Variants in WDR59 observed in about 807,000 individuals in gnomAD.
The protein encoded by WDR59 is GATOR2 complex protein WDR59.
Under a neutral mutation model 131.2 loss-of-function variants are expected in WDR59, and 100 were observed. The observed-to-expected ratio is 0.76, with a 90% CI of 0.65 to 0.90. The LOEUF (loss-of-function observed/expected upper bound fraction) is 0.90, where lower values mean the gene tolerates loss of function less well. Ranked by LOEUF, WDR59 falls within the 40% of genes least tolerant of loss-of-function variation. The pLI is 0.00. For synonymous variants in WDR59, 601 were observed against 466.2 expected, an observed-to-expected ratio of 1.29 and a Z score of -3.72; for missense variants, 1,203 against 1,262.2, an observed-to-expected ratio of 0.95 and a Z score of 0.71.
intron 25 of WDR59, among the ~76,000 whole-genome samples, chr16:74,880,476 A>G (rs1964427167): frequency 6.6e-6 from 1 of 152,258 alleles, no homozygotes; most frequent in Non-Finnish European, 1.5e-5. Flanking sequence ...TAATTAAAAA[A>G]ATAAGTTAGG....
chr16:74,960,225 G>T (rs2033497137), intron 2 of WDR59, among the ~76,000 whole-genome samples: 1 of 152,014 alleles, frequency 6.6e-6, no homozygotes, highest in South Asian at 2.1e-4. Context: ...CAGTTACTTG[G>T]GAGGCTGAGG....
chr16:74,951,564 G>A (rs1001758182), intron 3 of WDR59, 21 bp from the exon 4 acceptor site: 9 of 1,567,840 alleles, frequency 5.7e-6, no homozygotes, highest in Admixed American at 1.9e-5. Flanking sequence ...AGGAAAGAAG[G>A]CCACAGGCAA....
At chr16:74,884,292 G>C (rs1040304661) in intron 25 of WDR59, among the ~76,000 whole-genome samples, 8 of 152,146 alleles carry the variant, frequency 5.3e-5, no homozygotes, top group African/African-American at 1.9e-4. Context: ...ACAACCCAAA[G>C]CACACTGCTT....
intron 18 of WDR59, among the ~76,000 whole-genome samples, chr16:74,897,354 A>G (rs1410569955): frequency 1.3e-5 from 2 of 152,256 alleles, no homozygotes; most frequent in East Asian, 3.8e-4. Context: ...ACATTCAGAC[A>G]GAAGAAAACT....
At chr16:74,901,321 C>T (rs1965539592) in intron 18 of WDR59, among the ~76,000 whole-genome samples, 1 of 152,062 alleles carries the variant, frequency 6.6e-6, no homozygotes, top group African/African-American at 2.4e-5. Flanking sequence ...AAGGCAGTTA[C>T]ATTCCATTCT....
intron 18 of WDR59, among the ~76,000 whole-genome samples, chr16:74,900,512 T>TTAAA (rs1965502895): frequency 6.6e-6 from 1 of 152,232 alleles, no homozygotes; most frequent in East Asian, 1.9e-4. Context: ...GCAACAATGT[T>TTAAA]TAAATGTATG....
Position 74,985,000 on chromosome 16 carries a change from G to A in WDR59, c.18C>T (p.Ser6=). 2 of 1,590,210 alleles carry A rather than the reference G, an allele frequency of 1.3e-6. No individual in the cohort carries two copies. The highest frequency in any genetic ancestry group is 2.3e-5 in the East Asian group (1 of 43,802). ...GGAACTCTACAACCACGTTTTCGCTGCTCCATCGCGCCGCCATCTCCCCCG... is the reference window on the plus strand; with the variant it reads ...GGAACTCTACAACCACGTTTTCGCTACTCCATCGCGCCGCCATCTCCCCCG... The part of the protein sequence containing the change: MAARW[S]SENVVVEFRD... The change falls in exon 1 of 26, where the codon AGC becomes AGT. Residue 6 remains serine, a synonymous_variant. Transcript: ENST00000262144.
At chr16:74,929,568 T>A (rs1469752144) in intron 8 of WDR59, among the ~76,000 whole-genome samples, 1 of 152,172 alleles carries the variant, frequency 6.6e-6, no homozygotes, top group Non-Finnish European at 1.5e-5. Context: ...GGAATTCTCA[T>A]ACACTGTTGG....
chr16:74,955,795 A>G (rs1427846518), intron 3 of WDR59, among the ~76,000 whole-genome samples: 1 of 152,148 alleles, frequency 6.6e-6, no homozygotes. Flanking sequence ...TGCCAGCCCA[A>G]TGCAAAAAGA....
chr16:74,937,969 C>T (rs188111811), intron 8 of WDR59, among the ~76,000 whole-genome samples, 181 bp downstream of exon 8: 14 of 152,246 alleles, frequency 9.2e-5, no homozygotes, highest in African/African-American at 3.1e-4. Context: ...TGCTGGGTCT[C>T]GCTCTGTCGC....
chr16:74,949,453 G>A (rs2032862128), intron 5 of WDR59, among the ~76,000 whole-genome samples: 2 of 150,522 alleles, frequency 1.3e-5, no homozygotes, highest in Admixed American at 6.7e-5. Flanking sequence ...AAGGAGGGAG[G>A]GAAGGAGAGA....
chr16:74,927,344 T>G (rs965215947), intron 8 of WDR59, among the ~76,000 whole-genome samples: 1 of 151,896 alleles, frequency 6.6e-6, no homozygotes. Flanking sequence ...ATCCCAGCAC[T>G]TGGGAAGCTG....
At chr16:74,919,204 C>A (rs900090658) in intron 10 of WDR59, among the ~76,000 whole-genome samples, 1 of 152,216 alleles carries the variant, frequency 6.6e-6, no homozygotes, top group Non-Finnish European at 1.5e-5. Context: ...CCTCTCCCAA[C>A]TGGCTGATTC....
rs1362089551 is a variant in WDR59 at position 74,872,420 on chromosome 16, C to T, written c.*1789G>A. On this transcript the variant is annotated 3_prime_UTR_variant, in exon 26 of 26. Coordinates refer to ENST00000262144, the MANE Select transcript of WDR59 (RefSeq NM_030581.4). ...GAAAATCATTCTGAAATTAGCCAGG[C>T]ATGGTGGTGCACACCTGTAGTCCCA... is the stretch of plus-strand genomic sequence containing the variant. 2 of 152,100 alleles carry T rather than the reference C, an allele frequency of 1.3e-5. No homozygotes were observed. Among genetic ancestry groups the T allele is most frequent in the East Asian group, 1.9e-4 (1 of 5,166 alleles). 9.4% of individuals were successfully genotyped at this position (152,100 alleles called of 1,614,324 possible). A position where few individuals can be genotyped will look rare whatever the true frequency, so the allele number is the denominator to read the frequency against.
chr16:74,981,631 TATATATATATATA>T lies in WDR59; in HGVS notation c.54+3320_54+3332del, dbSNP rs1567450551. 2.9e-3 allele frequency among the ~76,000 whole-genome samples: 17 copies of T among 5,798 alleles called. 1 individual carries two copies. The highest frequency in any genetic ancestry group is 8.7e-3 in the African/African-American group (17 of 1,946). The allele number at this position is 5,798 out of a possible 152,430, so 3.8% of individuals were successfully genotyped here. A position where few individuals can be genotyped will look rare whatever the true frequency, so the allele number is the denominator to read the frequency against. On this transcript the variant is annotated intron_variant, in intron 1 of 25. Coordinates refer to ENST00000262144, the MANE Select transcript of WDR59 (RefSeq NM_030581.4). ...ACATTTACATATATATATATATATA[TATATATATATATA>T]TATATATATATATATATTTTTTTTT...
chr16:74,905,429 C>T (rs768604431), intron 17 of WDR59, among the ~76,000 whole-genome samples: 150 of 151,814 alleles, frequency 9.9e-4, no homozygotes, highest in Middle Eastern at 6.8e-3. Flanking sequence ...CGCTCGTAAT[C>T]CCAGCACTTT....
intron 1 of WDR59, among the ~76,000 whole-genome samples, chr16:74,979,611 G>A (rs2034319510): frequency 6.6e-6 from 1 of 151,510 alleles, no homozygotes; most frequent in Admixed American, 6.6e-5. Flanking sequence ...CACGATCTAG[G>A]CTCACTGCAA....
In WDR59 at chr16:74,970,495, C is replaced by A. The variant is rs199903705; in HGVS notation, c.55-4673G>T. Among the ~76,000 whole-genome samples, 97 of 33,440 alleles carry A rather than the reference C, an allele frequency of 2.9e-3. 3 individuals are homozygous for A. The highest frequency in any genetic ancestry group is 0.026 in the Middle Eastern group (1 of 38). The allele number at this position is 33,440 out of a possible 152,430, so 21.9% of individuals were successfully genotyped here. A position where few individuals can be genotyped will look rare whatever the true frequency, so the allele number is the denominator to read the frequency against. On this transcript the variant is annotated intron_variant, in intron 1 of 25. Coordinates refer to ENST00000262144, the MANE Select transcript of WDR59 (RefSeq NM_030581.4). Reference sequence around the variant, plus strand: ...GGGTGACAGAGAGAGACTCTGTCTCCAAAAAAAAAAAAAAAAAAAAAAAAA... The same window carrying A: ...GGGTGACAGAGAGAGACTCTGTCTCAAAAAAAAAAAAAAAAAAAAAAAAAA...
intron 8 of WDR59, among the ~76,000 whole-genome samples, chr16:74,934,533 C>A (rs562782430): frequency 6.6e-6 from 1 of 152,236 alleles, no homozygotes; most frequent in South Asian, 2.1e-4. Context: ...CAATCTGATA[C>A]AGGTAGTTAT....
Sources: allele counts gnomAD v4.1 joint callset (sites outside exome capture counted in the v4.1 genomes callset), GRCh38; gene constraint gnomAD v4.1.1; transcripts MANE v1.5; gene names NCBI Gene and HGNC (gene_info 2026-07-23, HGNC 2026-07-21).